SRGAP2: variants seen among roughly 807,000 people sequenced by gnomAD.
The protein encoded by SRGAP2 is SLIT-ROBO Rho GTPase activating protein 2.
SRGAP2 carries 15 observed loss-of-function variants against 57.2 expected under a neutral mutation model. The observed-to-expected ratio is 0.26, with a 90% CI of 0.18 to 0.40. The LOEUF (loss-of-function observed/expected upper bound fraction) is 0.40. SRGAP2 is among the 10% of genes least tolerant of loss of function. The pLI is 1.00. For synonymous variants in SRGAP2, 249 were observed against 248.0 expected (o/e 1.00, Z -0.04); for missense variants, 520 against 669.6 (o/e 0.78, Z 2.47).
intron 2 of SRGAP2, among the ~76,000 whole-genome samples, chr1:206,290,513 G>C (rs1671251669): frequency 6.6e-6 from 1 of 151,466 alleles, no homozygotes; most frequent in Non-Finnish European, 1.5e-5. Context: ...GTGGTGGCAG[G>C]TGCCTGTAAT....
chr1:206,326,652 TCA>T (rs1430969409), intron 3 of SRGAP2, among the ~76,000 whole-genome samples: 1 of 152,252 alleles, frequency 6.6e-6, no homozygotes, highest in Non-Finnish European at 1.5e-5. Flanking sequence ...TCCCTGAGCC[TCA>T]GTTTCCTCAC....
intron 10 of SRGAP2, among the ~76,000 whole-genome samples, chr1:206,408,249 AT>A (rs1171029576): frequency 1.0e-4 from 11 of 109,398 alleles, no homozygotes; most frequent in Non-Finnish European, 1.8e-4. Context: ...AATTTAAAAA[AT>A]GTAAAAATGC....
chr1:206,395,832 T>A (rs1168519799), intron 7 of SRGAP2, among the ~76,000 whole-genome samples: 60 of 141,616 alleles, frequency 4.2e-4, no homozygotes, highest in Middle Eastern at 7.1e-3. Context: ...TTTCATCATT[T>A]AAAAAAAAAA....
intron 3 of SRGAP2, among the ~76,000 whole-genome samples, chr1:206,310,186 A>G (rs1332184652): frequency 6.6e-6 from 1 of 151,722 alleles, no homozygotes; most frequent in African/African-American, 2.4e-5. Flanking sequence ...TTGTAAGGCA[A>G]AATGGCAATT....
chr1:206,437,778 C>G, intron 15 of SRGAP2, 186 bp from the exon 16 acceptor site: 1 of 592,586 alleles, frequency 1.7e-6, no homozygotes. Context: ...GGTCCTGGAG[C>G]CCCTGAAATG....
At chr1:206,453,888 C>T (rs1372660206) in intron 20 of SRGAP2, 2 of 450,936 alleles carry the variant, frequency 4.4e-6, no homozygotes, top group Non-Finnish European at 7.8e-6. Flanking sequence ...GTTCATTTAA[C>T]CGAGATGAGG....
At chr1:206,313,040 C>A (rs1166896874) in intron 3 of SRGAP2, among the ~76,000 whole-genome samples, 3 of 151,326 alleles carry the variant, frequency 2.0e-5, no homozygotes, top group African/African-American at 7.3e-5. Context: ...TTTAATAGCT[C>A]ATTTTTTTAG....
chr1:206,417,512 G>A (rs1659843951), intron 11 of SRGAP2, among the ~76,000 whole-genome samples: 1 of 149,664 alleles, frequency 6.7e-6, no homozygotes, highest in Admixed American at 6.7e-5. Flanking sequence ...CCACCTCCCA[G>A]GTTAAAGCAA....
At chr1:206,441,543 G>A (rs188370939) in intron 17 of SRGAP2, among the ~76,000 whole-genome samples, 52 of 152,172 alleles carry the variant, frequency 3.4e-4, no homozygotes, top group African/African-American at 1.3e-3. Context: ...CTGCAGTTTC[G>A]CCCTCAACAG....
chr1:206,261,668 A>C (rs1226989283), intron 2 of SRGAP2, among the ~76,000 whole-genome samples: 2 of 152,166 alleles, frequency 1.3e-5, no homozygotes, highest in Non-Finnish European at 2.9e-5. Flanking sequence ...TTGGCTAAGA[A>C]GTAAGTACAG....
intron 17 of SRGAP2, among the ~76,000 whole-genome samples, chr1:206,442,211 G>C (rs1441275065): frequency 1.3e-5 from 2 of 152,182 alleles, no homozygotes; most frequent in Non-Finnish European, 2.9e-5. Context: ...GAGGGTCCTT[G>C]TTCCCCATCT....
At chr1:206,457,818 C>G (rs199639992) in intron 21 of SRGAP2, among the ~76,000 whole-genome samples, 1 of 152,212 alleles carries the variant, frequency 6.6e-6, no homozygotes, top group Non-Finnish European at 1.5e-5. Flanking sequence ...AAGATCAGAG[C>G]TGTTCAGCAG....
intron 4 of SRGAP2, among the ~76,000 whole-genome samples, chr1:206,372,984 T>TCTTTC (rs1654795289): frequency 1.0e-5 from 1 of 96,596 alleles, no homozygotes; most frequent in African/African-American, 4.6e-5. Flanking sequence ...TTTCTTTCTT[T>TCTTTC]CTTTCTTTCT....
At chr1:206,410,948 C>T (rs1659165006) in intron 10 of SRGAP2, among the ~76,000 whole-genome samples, 1 of 152,234 alleles carries the variant, frequency 6.6e-6, no homozygotes, top group African/African-American at 2.4e-5. Flanking sequence ...GCAACCTCCA[C>T]CTCTCAGGTT....
intron 16 of SRGAP2, among the ~76,000 whole-genome samples, chr1:206,439,389 A>C (rs532610119): frequency 3.9e-4 from 60 of 152,056 alleles, no homozygotes; most frequent in Non-Finnish European, 7.4e-4. Flanking sequence ...TTCATAGTGC[A>C]GATAAGGGAG....
At chr1:206,340,541 T>G (rs1246213809) in intron 3 of SRGAP2, among the ~76,000 whole-genome samples, 1 of 152,162 alleles carries the variant, frequency 6.6e-6, no homozygotes, top group East Asian at 1.9e-4. Flanking sequence ...ATCTTCTCCC[T>G]TAAGAAATAG....
chr1:206,411,697 A>G (rs1553359678), intron 10 of SRGAP2, among the ~76,000 whole-genome samples: 1 of 152,228 alleles, frequency 6.6e-6, no homozygotes, highest in Non-Finnish European at 1.5e-5. Flanking sequence ...AATCCAAGGC[A>G]TAAGCAACAT....
intron 17 of SRGAP2, among the ~76,000 whole-genome samples, chr1:206,442,144 C>A (rs1310420075): frequency 6.6e-6 from 1 of 152,158 alleles, no homozygotes; most frequent in East Asian, 1.9e-4. Flanking sequence ...AGCTTGAGAC[C>A]TTTTCTGGGG....
In SRGAP2 at chr1:206,454,632, C is replaced by T. The variant is rs1553377641; in HGVS notation, c.2361-246C>T. On this transcript the variant is annotated intron_variant, in intron 20 of 22. Coordinates refer to ENST00000573034, the MANE Select transcript of SRGAP2 (RefSeq NM_015326.5). This position sits in a 1 kb window ranked among gnomAD's most constrained non-coding sequence, Gnocchi z 4.3. Reference sequence around the variant, plus strand: ...CTCGAATCCAGGTGTCCCCTAGCCACGCTTTCCTGAGGAGCTGAGGAGCCC... The same window carrying T: ...CTCGAATCCAGGTGTCCCCTAGCCATGCTTTCCTGAGGAGCTGAGGAGCCC... 8.2e-6 allele frequency: 4 copies of T among 485,468 alleles called. No homozygotes were observed. The highest frequency in any genetic ancestry group is 3.8e-5 in the Admixed American group (1 of 26,054). The allele number at this position is 485,468 out of a possible 1,614,324, so 30.1% of individuals were successfully genotyped here. A position where few individuals can be genotyped will look rare whatever the true frequency, so the allele number is the denominator to read the frequency against.
Sources: allele counts gnomAD v4.1 joint callset (sites outside exome capture counted in the v4.1 genomes callset), GRCh38; gene constraint gnomAD v4.1.1; non-coding constraint Gnocchi (gnomAD v3.1); transcripts MANE v1.5; gene names NCBI Gene and HGNC (gene_info 2026-07-23, HGNC 2026-07-21).